SP100: variants seen among roughly 807,000 people sequenced by gnomAD.
The protein encoded by SP100 is SP100 nuclear body protein.
A neutral mutation model predicts 130.0 loss-of-function variants in SP100; 84 were observed. That is an observed-to-expected ratio of 0.65 (90% CI 0.54 to 0.77). The LOEUF (loss-of-function observed/expected upper bound fraction) is 0.77, where lower values mean the gene tolerates loss of function less well. Ranked by LOEUF, SP100 falls within the 30% of genes least tolerant of loss-of-function variation. The probability of loss-of-function intolerance (pLI) is 0.00; values close to 1 mark genes in which losing one functional copy is unlikely to be tolerated. For synonymous variants in SP100, 331 were observed against 351.7 expected (o/e 0.94, Z 0.66); for missense variants, 978 against 1,052.2 (o/e 0.93, Z 0.97).
intron 24 of SP100, among the ~76,000 whole-genome samples, chr2:230,530,045 C>T (rs562219211): frequency 6.6e-6 from 1 of 152,288 alleles, no homozygotes; most frequent in East Asian, 1.9e-4. Context: ...CATCAAGCTA[C>T]CACTGACTTT....
At chr2:230,458,407 G>T (rs1040373366) in intron 8 of SP100, among the ~76,000 whole-genome samples, 2 of 152,172 alleles carry the variant, frequency 1.3e-5, no homozygotes, top group Non-Finnish European at 2.9e-5. Flanking sequence ...AAGGAGAGGA[G>T]GGGTTGGCCT....
At chr2:230,521,231 ATAGTT>A (rs762128810) in intron 24 of SP100, among the ~76,000 whole-genome samples, 2 of 152,292 alleles carry the variant, frequency 1.3e-5, no homozygotes, top group Non-Finnish European at 2.9e-5. Flanking sequence ...ACTGATCTTT[ATAGTT>A]TCTTTTGAAC....
intron 17 of SP100, chr2:230,493,753 C>G (rs2066515725): frequency 6.6e-6 from 1 of 151,928 alleles, no homozygotes; most frequent in African/African-American, 2.4e-5. Context: ...GTGTACTTTA[C>G]TGGTAATTTC....
chr2:230,449,029 G>C, intron 5 of SP100, 59 bp from the exon 6 acceptor site: 1 of 1,102,282 alleles, frequency 9.1e-7, no homozygotes. Flanking sequence ...GGGATTAGGG[G>C]AGAATGGCAA....
At chr2:230,439,537 G>A (rs1313200095) in intron 2 of SP100, among the ~76,000 whole-genome samples, 1 of 150,750 alleles carries the variant, frequency 6.6e-6, no homozygotes, top group African/African-American at 2.5e-5. Flanking sequence ...TATATCCTAA[G>A]GTTTTTTGGA....
chr2:230,535,296 G>A (rs1314483222), intron 24 of SP100, among the ~76,000 whole-genome samples: 2 of 152,168 alleles, frequency 1.3e-5, no homozygotes, highest in Admixed American at 6.5e-5. Context: ...GATGACTTTG[G>A]AGGTTGTTTC....
chr2:230,455,701 C>A (rs1183823423), intron 8 of SP100, among the ~76,000 whole-genome samples: 3 of 152,124 alleles, frequency 2.0e-5, no homozygotes, highest in Non-Finnish European at 4.4e-5. Flanking sequence ...TTATTCCTTT[C>A]TTTCTCTCTT....
intron 23 of SP100, chr2:230,508,845 T>C (rs1690338121): frequency 6.6e-6 from 1 of 152,084 alleles, no homozygotes; most frequent in South Asian, 2.1e-4. Flanking sequence ...AAAATGTATA[T>C]ATAGGCATAT....
chr2:230,505,645 C>T (rs923419140), intron 21 of SP100, among the ~76,000 whole-genome samples: 11 of 152,236 alleles, frequency 7.2e-5, no homozygotes, highest in African/African-American at 2.7e-4. Flanking sequence ...GTTCATCTGT[C>T]ATGGTTGACA....
At chr2:230,510,525 T>A in intron 23 of SP100, 1 of 77,310 alleles carries the variant, frequency 1.3e-5, no homozygotes, top group East Asian at 4.4e-4. Context: ...TTTTTTTTTT[T>A]TTTTTTTACA....
intron 16 of SP100, among the ~76,000 whole-genome samples, chr2:230,474,160 A>G (rs1404963192): frequency 6.6e-6 from 1 of 152,230 alleles, no homozygotes; most frequent in African/African-American, 2.4e-5. Context: ...TCCCTGTTTC[A>G]TAAATGAGGA....
At chr2:230,515,366 G>A (rs753098525) in intron 24 of SP100, 2 of 1,613,876 alleles carry the variant, frequency 1.2e-6, no homozygotes, top group Non-Finnish European at 1.7e-6. Context: ...AAAATCAAAG[G>A]AGAACATCCT....
At chr2:230,418,240 C>T (rs1465505115) in intron 2 of SP100, among the ~76,000 whole-genome samples, 4 of 152,172 alleles carry the variant, frequency 2.6e-5, no homozygotes, top group African/African-American at 9.7e-5. Flanking sequence ...ACTTTTCCTC[C>T]ATGACAATTA....
At chr2:230,464,526 C>G (rs1005614001) in intron 11 of SP100, among the ~76,000 whole-genome samples, 1 of 152,128 alleles carries the variant, frequency 6.6e-6, no homozygotes, top group African/African-American at 2.4e-5. Context: ...CACAGTCTTC[C>G]TTTGTTCATT....
chr2:230,427,320 C>A (rs993107346), intron 2 of SP100, among the ~76,000 whole-genome samples: 2 of 152,064 alleles, frequency 1.3e-5, no homozygotes, highest in Non-Finnish European at 1.5e-5. Context: ...TGCCACCACA[C>A]CCGGCTAATT....
chr2:230,502,993 T>C lies in SP100; in HGVS notation c.1721-73T>C, dbSNP rs534440195. On this transcript the variant is annotated intron_variant, in intron 19 of 28. Coordinates refer to ENST00000340126, the MANE Select transcript of SP100 (RefSeq NM_001080391.2). ...AGACAGGATCCTGAAAAGTTGCATTTGAATGGTGGTTTTGTAAAACACTAC... is the reference window on the plus strand; with the variant it reads ...AGACAGGATCCTGAAAAGTTGCATTCGAATGGTGGTTTTGTAAAACACTAC... 8.4e-5 allele frequency: 99 copies of C among 1,181,230 alleles called. No homozygotes were observed. In the South Asian group the frequency reaches 1.3e-3, roughly 15 times the overall value. The allele number at this position is 1,181,230 out of a possible 1,614,324, so 73.2% of individuals were successfully genotyped here.
chr2:230,515,791 AC>A, intron 24 of SP100: 1 of 1,467,390 alleles, frequency 6.8e-7, no homozygotes, highest in African/African-American at 1.4e-5. Context: ...GTTAACCACT[AC>A]CGAATGTGTC....
chr2:230,451,943 A>G (rs111317815), intron 8 of SP100, among the ~76,000 whole-genome samples: 1,680 of 152,268 alleles, frequency 0.011, 38 homozygotes, highest in African/African-American at 0.038. Context: ...TTGAAAATCA[A>G]TTGACCATAA....
At chr2:230,480,141 G>T (rs2065764598) in intron 17 of SP100, among the ~76,000 whole-genome samples, 1 of 152,094 alleles carries the variant, frequency 6.6e-6, no homozygotes, top group Non-Finnish European at 1.5e-5. Flanking sequence ...CTTCATTGCT[G>T]TCTCCCCACT....
Sources: gnomAD v4.1 joint callset for allele counts (sites outside exome capture counted in the v4.1 genomes callset) on GRCh38, gnomAD v4.1.1 for gene constraint, MANE v1.5 for transcripts, NCBI Gene and HGNC (gene_info 2026-07-23, HGNC 2026-07-21) for gene names.